The following ZNF69 variants were observed in gnomAD, a reference collection of about 807,000 sequenced individuals.
The protein encoded by ZNF69 is ZNF3.
In ZNF69, 47 loss-of-function variants were observed where a neutral mutation model predicts 50.9. That is an observed-to-expected ratio of 0.92 (90% CI 0.73 to 1.18). The LOEUF is 1.18. ZNF69 is among the 50% of genes most tolerant of loss of function. The pLI is 0.00. For missense variants in ZNF69, 717 were observed against 675.1 expected (o/e 1.06, Z -0.69); for synonymous variants, 216 against 223.1 (o/e 0.97, Z 0.29).
chr19:11,967,616 G>A, the ZNF69 span, among the ~76,000 whole-genome samples: 2 of 152,088 alleles, frequency 1.3e-5, no homozygotes, highest in Non-Finnish European at 2.9e-5. Flanking sequence ...TGTTAGCCAG[G>A]ATGGTCTCAA....
the ZNF69 span, chr19:11,978,053 C>T: frequency 4.5e-6 from 7 of 1,567,228 alleles, no homozygotes; most frequent in Middle Eastern, 1.7e-4. Context: ...AATGCAAGTG[C>T]AATACTTGAT....
At chr19:11,888,854 T>C (rs182476069) in intron 1 of ZNF69, among the ~76,000 whole-genome samples, 1 of 152,220 alleles carries the variant, frequency 6.6e-6, no homozygotes, top group African/African-American at 2.4e-5. Context: ...ACGCCTGTAA[T>C]CCCAGCTACT....
At chr19:11,923,570 C>G in the ZNF69 span, among the ~76,000 whole-genome samples, 299 of 152,330 alleles carry the variant, frequency 2.0e-3, 2 homozygotes, top group African/African-American at 6.7e-3. Context: ...TCTCCACCCT[C>G]TCTCCCACCA....
At chr19:11,893,077 C>T (rs950067953) in intron 1 of ZNF69, among the ~76,000 whole-genome samples, 4 of 152,148 alleles carry the variant, frequency 2.6e-5, no homozygotes, top group Non-Finnish European at 4.4e-5. Context: ...TCAAGTGGTC[C>T]GCCCACCTTG....
At chr19:11,900,929 G>A (rs771285898) in intron 1 of ZNF69, among the ~76,000 whole-genome samples, 3 of 152,120 alleles carry the variant, frequency 2.0e-5, no homozygotes, top group African/African-American at 7.2e-5. Flanking sequence ...TCAGTGTTAC[G>A]TTCTAGAAAT....
downstream of ZNF69, among the ~76,000 whole-genome samples, chr19:11,906,916 C>A (rs998162028): frequency 6.6e-6 from 1 of 152,092 alleles, no homozygotes; most frequent in Non-Finnish European, 1.5e-5. Flanking sequence ...CACAAAGAAG[C>A]TAAAAACCTT....
the ZNF69 span, chr19:11,950,071 A>G: frequency 3.0e-5 from 48 of 1,614,122 alleles, no homozygotes; most frequent in Non-Finnish European, 3.7e-5. Context: ...GCATTGTGGG[A>G]ATGGATTCAC....
chr19:11,928,936 A>G, the ZNF69 span, among the ~76,000 whole-genome samples: 2 of 147,096 alleles, frequency 1.4e-5, no homozygotes, highest in African/African-American at 2.7e-5. Context: ...TCATATTAAT[A>G]TAAGTTAAAA....
chr19:11,942,805 C>T, the ZNF69 span, among the ~76,000 whole-genome samples: 3 of 152,150 alleles, frequency 2.0e-5, no homozygotes, highest in Admixed American at 1.3e-4. Flanking sequence ...GGTGTGGCAC[C>T]GGGCTGTCTG....
the ZNF69 span, among the ~76,000 whole-genome samples, chr19:11,957,432 A>G: frequency 1.3e-5 from 2 of 152,106 alleles, no homozygotes; most frequent in Non-Finnish European, 2.9e-5. Flanking sequence ...CCCTGAAATC[A>G]GCTTGTCATT....
chr19:11,973,672 A>T, the ZNF69 span, among the ~76,000 whole-genome samples: 4 of 151,902 alleles, frequency 2.6e-5, no homozygotes, highest in African/African-American at 7.2e-5. Flanking sequence ...GCTTGAGGCC[A>T]TCAGTTAGAG....
the ZNF69 span, among the ~76,000 whole-genome samples, chr19:11,939,044 A>G: frequency 1.3e-5 from 2 of 152,276 alleles, no homozygotes; most frequent in East Asian, 1.9e-4. Context: ...GTGTCTGTTC[A>G]TGTCCTTTGC....
At chr19:11,946,746 A>T in the ZNF69 span, 1 of 154,148 alleles carries the variant, frequency 6.5e-6, no homozygotes, top group African/African-American at 2.4e-5. Context: ...CCTTTTTGAA[A>T]TTTTTTATAA....
chr19:11,934,154 G>C, the ZNF69 span, among the ~76,000 whole-genome samples: 1 of 147,970 alleles, frequency 6.8e-6, no homozygotes, highest in Non-Finnish European at 1.5e-5. Flanking sequence ...GAACAGCCTG[G>C]TAGATACAGT....
chr19:11,949,772 A>G, the ZNF69 span: 1,541 of 1,613,058 alleles, frequency 9.6e-4, 6 homozygotes, highest in South Asian at 2.7e-3. Flanking sequence ...CGAATGCATG[A>G]AAGGACTCAC....
In ZNF69 at chr19:11,904,964, G is replaced by T; in HGVS notation, c.567G>T (p.Glu189Asp). 6.2e-7 allele frequency: 1 copy of T among 1,614,192 alleles called. No individual in the cohort carries two copies. Among genetic ancestry groups the T allele is most frequent in the Non-Finnish European group, 8.5e-7 (1 of 1,180,032 alleles). The change falls in exon 4 of 4, where the codon GAG (glutamate) becomes GAT (aspartate). Residue 189 changes from glutamate to aspartate, a missense_variant. Glu to Asp is a conservative substitution (Grantham distance 45). Transcript: ENST00000429654. ...CACCACAAAGGGATCACACTGGAGA[G>T]AAACCCTATGCTTGTAAAGAATGTG... The part of the protein sequence containing the change: ...FRTPQRDHTG[E>D]KPYACKECGK...
chr19:11,958,706 A>C, the ZNF69 span, among the ~76,000 whole-genome samples: 2 of 152,128 alleles, frequency 1.3e-5, no homozygotes, highest in African/African-American at 4.8e-5. Flanking sequence ...CCACAGTCCA[A>C]GTGGTTCCTA....
the ZNF69 span, among the ~76,000 whole-genome samples, chr19:11,926,864 G>C: frequency 6.6e-6 from 1 of 152,196 alleles, no homozygotes; most frequent in Non-Finnish European, 1.5e-5. Context: ...TTATTCAAGC[G>C]GAAGGATAGC....
At position 11,903,210 on chromosome 19, in the gene ZNF69, G is replaced by A. The variant is rs187391527; in HGVS notation, c.64-363G>A. On this transcript the variant is annotated intron_variant, in intron 1 of 3. Transcript: ENST00000429654. Reference sequence around the variant, plus strand: ...AGCACTTTGGGAGGCTGAGGCAGGCGGATCACCTGAGGTCAGCAGCCTGAC... The same window carrying A: ...AGCACTTTGGGAGGCTGAGGCAGGCAGATCACCTGAGGTCAGCAGCCTGAC... Among the ~76,000 whole-genome samples the A allele has an allele frequency of 9.2e-5, 14 of 152,100 alleles. 1 individual carries two copies. In the South Asian group the frequency reaches 1.2e-3, roughly 14 times the overall value.
Sources: allele counts gnomAD v4.1 joint callset (sites outside exome capture counted in the v4.1 genomes callset), GRCh38; gene constraint gnomAD v4.1.1; transcripts MANE v1.5; gene names NCBI Gene and HGNC (gene_info 2026-07-23, HGNC 2026-07-21).